The following LTO1 variants were observed in gnomAD, a reference collection of about 807,000 sequenced individuals.
LTO1 encodes LTO1 maturation factor of ABCE1.
Under a neutral mutation model 19.8 loss-of-function variants are expected in LTO1, and 18 were observed. The observed-to-expected ratio is 0.91, with a 90% CI of 0.63 to 1.35. LTO1 has a LOEUF of 1.35. Among genes scored for constraint, LTO1 ranks in the 40% most tolerant of loss-of-function variants. The probability of loss-of-function intolerance (pLI) is 0.00; values close to 1 mark genes in which losing one functional copy is unlikely to be tolerated. For missense variants in LTO1, 175 were observed against 167.9 expected, an observed-to-expected ratio of 1.04 and a Z score of -0.23; for synonymous variants, 59 against 59.6, an observed-to-expected ratio of 0.99 and a Z score of 0.05.
intron 1 of LTO1, 135 bp downstream of exon 1, chr11:69,675,055 C>T: frequency 2.6e-6 from 2 of 772,486 alleles, no homozygotes; most frequent in Non-Finnish European, 4.4e-6. Context: ...CCTGCGTCCA[C>T]GGCCACCAGG....
At chr11:69,671,632 T>C (rs571462302) in intron 3 of LTO1, 117 bp downstream of exon 3, 2 of 703,090 alleles carry the variant, frequency 2.8e-6, no homozygotes, top group East Asian at 2.5e-5. Flanking sequence ...CACTGATAAT[T>C]TTCTCCATTT....
At position 69,674,570 on chromosome 11, in the gene LTO1, T is replaced by C. The variant is rs1856160121; in HGVS notation, c.50+620A>G. On this transcript the variant is annotated intron_variant, in intron 1 of 4. Transcript: ENST00000279147. ...ACTTACTAAGTAGGGCTGAAGTAGA[T>C]AACCAGGGTGGAACGTTTAGCTCAG... is the stretch of plus-strand genomic sequence containing the variant. 8.4e-6 allele frequency: 3 copies of C among 355,412 alleles called. No individual in the cohort carries two copies. The Admixed American group carries it at 1.1e-4, about 13-fold the overall frequency. 22.0% of individuals were successfully genotyped at this position (355,412 alleles called of 1,614,324 possible).
intron 3 of LTO1, among the ~76,000 whole-genome samples, chr11:69,671,025 C>T (rs1309003339): frequency 6.6e-6 from 1 of 152,104 alleles, no homozygotes; most frequent in East Asian, 1.9e-4. Context: ...CTCAGCCTCC[C>T]GAGTAGCTGG....
rs569105435 is a variant in LTO1, at chr11:69,666,223, G to A, written c.*1296C>T. On this transcript the variant is annotated 3_prime_UTR_variant, in exon 5 of 5. Transcript: ENST00000279147. ...TCCACCTGCCGCTGCTCCCGCGGGG[G>A]TCACTTCTCTGGCTCCTGCAGCCGG... 1 of 152,218 alleles carries A rather than the reference G, an allele frequency of 6.6e-6. No homozygotes were observed. The highest frequency in any genetic ancestry group is 2.1e-4 in the South Asian group (1 of 4,834). The allele number at this position is 152,218 out of a possible 1,614,324, so 9.4% of individuals were successfully genotyped here.
chr11:69,670,579 T>C (rs1254980511), intron 3 of LTO1, among the ~76,000 whole-genome samples: 2 of 152,218 alleles, frequency 1.3e-5, no homozygotes, highest in East Asian at 1.9e-4. Flanking sequence ...CCCGTATCAG[T>C]TGCAAGCATC....
Position 69,668,280 on chromosome 11 carries a change from G to C in LTO1, c.228-268C>G, listed in dbSNP as rs73522768. ...ACCACGGGGCCAAGGGGCTGAGGCA[G>C]CCAGAAGCCCTGCTGACTCTCGAGG... On this transcript the variant is annotated intron_variant, in intron 3 of 4. Coordinates refer to ENST00000279147, the MANE Select transcript of LTO1 (RefSeq NM_153451.3). 3,572 of 376,370 alleles carry C rather than the reference G, an allele frequency of 9.5e-3. 108 individuals carry two copies. Among genetic ancestry groups the C allele is most frequent in the African/African-American group, 0.069 (3,354 of 48,818 alleles). 23.3% of individuals were successfully genotyped at this position (376,370 alleles called of 1,614,324 possible).
chr11:69,671,059 C>T (rs1856101462), intron 3 of LTO1, among the ~76,000 whole-genome samples: 1 of 152,102 alleles, frequency 6.6e-6, no homozygotes, highest in African/African-American at 2.4e-5. Flanking sequence ...TGGCACCACG[C>T]CCGGCTAATT....
intron 3 of LTO1, among the ~76,000 whole-genome samples, chr11:69,669,314 A>G (rs1850179843): frequency 6.6e-6 from 1 of 152,192 alleles, no homozygotes; most frequent in Non-Finnish European, 1.5e-5. Flanking sequence ...TAAAGAACTG[A>G]CAGTTAGGAT....
intron 3 of LTO1, among the ~76,000 whole-genome samples, chr11:69,668,913 A>G (rs576951432): frequency 6.6e-6 from 1 of 151,832 alleles, no homozygotes; most frequent in Non-Finnish European, 1.5e-5. Flanking sequence ...CTGTAGTCCC[A>G]GCTACTCGGG....
At chr11:69,667,771 ACGGACAGTTCCG>A in intron 4 of LTO1, 112 bp downstream of exon 4, 1 of 726,918 alleles carries the variant, frequency 1.4e-6, no homozygotes, top group Non-Finnish European at 2.4e-6. Context: ...AGGCGCCTCT[ACGGACAGTTCCG>A]CGGCGCACGC....
chr11:69,674,534 T>G (rs1856159450), intron 1 of LTO1: 2 of 347,744 alleles, frequency 5.8e-6, no homozygotes, highest in Non-Finnish European at 1.1e-5. Context: ...TTCCGAAGAA[T>G]AATAGGATCC....
At position 69,666,460 on chromosome 11, in the gene LTO1, A is replaced by G. The variant is rs1175538986; in HGVS notation, c.*1059T>C. The G allele has an allele frequency of 6.6e-6, 1 of 152,140 alleles. No individual in the cohort carries two copies. Among genetic ancestry groups the G allele is most frequent in the Non-Finnish European group, 1.5e-5 (1 of 68,058 alleles). The allele number at this position is 152,140 out of a possible 1,614,324, so 9.4% of individuals were successfully genotyped here. A position where few individuals can be genotyped will look rare whatever the true frequency, so the allele number is the denominator to read the frequency against. ...TGAACACGTGCCATCACATATGACC[A>G]CCACTCGCCTCGTGGGGACCCACCG... On this transcript the variant is annotated 3_prime_UTR_variant, in exon 5 of 5. Coordinates refer to ENST00000279147, the MANE Select transcript of LTO1 (RefSeq NM_153451.3).
At chr11:69,668,561 C>T (rs1465167249) in intron 3 of LTO1, among the ~76,000 whole-genome samples, 1 of 152,208 alleles carries the variant, frequency 6.6e-6, no homozygotes, top group Non-Finnish European at 1.5e-5. Flanking sequence ...GAGACAGCAG[C>T]CCTGGGCATG....
chr11:69,670,715 C>T (rs1055531996), intron 3 of LTO1, among the ~76,000 whole-genome samples: 4 of 152,200 alleles, frequency 2.6e-5, no homozygotes, highest in African/African-American at 4.8e-5. Context: ...GCCCCTCCCA[C>T]GCTAGGCAAG....
chr11:69,674,879 C>T (rs1196118209), intron 1 of LTO1: 1 of 642,956 alleles, frequency 1.6e-6, no homozygotes, highest in South Asian at 1.5e-5. Context: ...TGGCAAAGGT[C>T]TGTCCTCCCA....
chr11:69,668,067 T>G (rs1357947067), intron 3 of LTO1, 55 bp from the exon 4 acceptor site: 1 of 856,556 alleles, frequency 1.2e-6, no homozygotes, highest in African/African-American at 1.7e-5. Flanking sequence ...AGGCTCAACT[T>G]ACACAACAGC....
chr11:69,672,705 C>G (rs1196906531), intron 2 of LTO1: 1 of 214,896 alleles, frequency 4.7e-6, no homozygotes, highest in Non-Finnish European at 9.6e-6. Flanking sequence ...TTAATTGTAT[C>G]TACCTACAGC....
intron 4 of LTO1, 66 bp from the exon 5 acceptor site, chr11:69,667,653 T>C: frequency 8.7e-7 from 1 of 1,144,954 alleles, no homozygotes; most frequent in Non-Finnish European, 1.3e-6. Flanking sequence ...AGAAGATAAC[T>C]CTATCTCTAG....
rs1565079696 is a variant in LTO1 at position 69,671,816 on chromosome 11, CG to C, written c.159del (p.Ile53MetfsTer27). 6.4e-7 allele frequency: 1 copy of C among 1,574,630 alleles called. No homozygotes were observed. The highest frequency in any genetic ancestry group is 1.7e-5 in the Admixed American group (1 of 59,970). Reference sequence around the variant, plus strand: ...GCAAAAGCAAAACCTTGGTAGCACCCGATCTGTGAATGTGAAAAATATTTAA... The same window carrying C: ...GCAAAAGCAAAACCTTGGTAGCACCCATCTGTGAATGTGAAAAATATTTAA... ...TLHGAKIGSE[I>X]GCYQGFAFAW... On this transcript the variant is annotated frameshift_variant and splice_region_variant, in exon 3 of 5. Transcript: ENST00000279147. LOFTEE classifies it high-confidence loss of function.
Sources: allele counts gnomAD v4.1 joint callset (sites outside exome capture counted in the v4.1 genomes callset), GRCh38; gene constraint gnomAD v4.1.1; transcripts MANE v1.5; gene names NCBI Gene and HGNC (gene_info 2026-07-23, HGNC 2026-07-21).